The following MCC variants were observed in gnomAD, a reference collection of about 807,000 sequenced individuals.
MCC encodes colorectal mutant cancer protein.
MCC carries 90 observed loss-of-function variants against 116.2 expected under a neutral mutation model. The observed-to-expected ratio is 0.77, with a 90% CI of 0.65 to 0.92. The LOEUF (loss-of-function observed/expected upper bound fraction) is 0.92, where lower values mean the gene tolerates loss of function less well. MCC is among the 40% of genes least tolerant of loss of function. The probability of loss-of-function intolerance (pLI) is 0.00; values close to 1 mark genes in which losing one functional copy is unlikely to be tolerated. For missense variants in MCC, 1,516 were observed against 1,312.2 expected (o/e 1.16, Z -2.40); for synonymous variants, 578 against 510.5 (o/e 1.13, Z -1.78).
intron 5 of MCC, among the ~76,000 whole-genome samples, chr5:113,129,819 A>G (rs538918877): frequency 1.3e-5 from 2 of 152,352 alleles, no homozygotes; most frequent in South Asian, 2.1e-4. Flanking sequence ...GGCGATCATT[A>G]AAAAGGCAGG....
rs139015770 is a variant in MCC, at chr5:113,049,221, G to A, written c.2527C>T (p.Arg843Trp). 28 of 1,613,812 alleles carry A rather than the reference G, an allele frequency of 1.7e-5. No individual in the cohort carries two copies. The highest frequency in any genetic ancestry group is 2.3e-5 in the Non-Finnish European group (27 of 1,179,966). Residue 843 changes from arginine (R) to tryptophan (W), a missense_variant, in exon 16 of 19, where the codon CGG becomes TGG. Transcript: ENST00000408903. ...KKALELKLST[R>W]EAQEQAYLVH... is the part of the protein sequence containing the mutation. ...AGGTAGGCCTGCTCCTGGGCCTCCC[G>A]CGTGCTCAGCTTCAGCTCCAGGGCC...
At chr5:113,250,611 C>A (rs1764760499) in intron 3 of MCC, among the ~76,000 whole-genome samples, 1 of 151,720 alleles carries the variant, frequency 6.6e-6, no homozygotes, top group Non-Finnish European at 1.5e-5. Flanking sequence ...TTATTGGAAT[C>A]CTAACATCAA....
chr5:113,107,202 G>GT (rs1369563421), intron 6 of MCC, among the ~76,000 whole-genome samples: 11 of 132,544 alleles, frequency 8.3e-5, no homozygotes, highest in Admixed American at 6.9e-4. Context: ...ATAGTAGCAT[G>GT]TTTTTCTTTT....
intron 3 of MCC, among the ~76,000 whole-genome samples, chr5:113,231,746 C>CA (rs998456577): frequency 3.3e-5 from 5 of 152,122 alleles, no homozygotes; most frequent in Non-Finnish European, 7.4e-5. Context: ...AAAGAAATAG[C>CA]AAAAATATGT....
intron 2 of MCC, among the ~76,000 whole-genome samples, chr5:113,344,633 AG>A (rs1325246849): frequency 1.3e-5 from 2 of 151,866 alleles, no homozygotes; most frequent in Non-Finnish European, 2.9e-5. Flanking sequence ...CAGAGTCATG[AG>A]GCCCCCCATT....
chr5:113,486,412 G>A (rs1580435568), intron 1 of MCC, among the ~76,000 whole-genome samples: 1 of 152,142 alleles, frequency 6.6e-6, no homozygotes, highest in East Asian at 1.9e-4. Flanking sequence ...ATCCTCCCGG[G>A]TAGAATCACC....
chr5:113,336,230 T>G (rs1459142432), intron 3 of MCC, among the ~76,000 whole-genome samples: 1 of 151,670 alleles, frequency 6.6e-6, no homozygotes, highest in Non-Finnish European at 1.5e-5. Flanking sequence ...ACTGTTATAA[T>G]GGCAAAAAAA....
At chr5:113,081,888 G>T (rs576951064) in intron 11 of MCC, among the ~76,000 whole-genome samples, 4 of 152,354 alleles carry the variant, frequency 2.6e-5, no homozygotes, top group African/African-American at 9.6e-5. Flanking sequence ...ATGGAATTAA[G>T]CAACAGCGGA....
At chr5:113,096,486 C>G (rs1756028206) in intron 8 of MCC, among the ~76,000 whole-genome samples, 1 of 152,164 alleles carries the variant, frequency 6.6e-6, no homozygotes, top group South Asian at 2.1e-4. Flanking sequence ...CTCTGCAACT[C>G]TGATTCACGG....
At chr5:113,185,172 G>A (rs552234289) in intron 3 of MCC, among the ~76,000 whole-genome samples, 1 of 152,290 alleles carries the variant, frequency 6.6e-6, no homozygotes, top group African/African-American at 2.4e-5. Context: ...TCCAACTTTG[G>A]ATCCTGACTA....
At chr5:113,433,962 C>T (rs11953478) in intron 1 of MCC, 49,604 of 1,613,936 alleles carry the variant, frequency 0.031, 1,838 homozygotes, top group African/African-American at 0.19. Flanking sequence ...GGGTTCAGTT[C>T]CCCGGGAACT....
intron 3 of MCC, among the ~76,000 whole-genome samples, chr5:113,179,095 T>C (rs1158111941): frequency 6.6e-6 from 1 of 152,204 alleles, no homozygotes; most frequent in Non-Finnish European, 1.5e-5. Flanking sequence ...ATTCAATACC[T>C]TACAGAGACC....
chr5:113,161,573 T>C (rs932008531), intron 3 of MCC, among the ~76,000 whole-genome samples: 1 of 151,912 alleles, frequency 6.6e-6, no homozygotes, highest in African/African-American at 2.4e-5. Flanking sequence ...TTTAATGGAT[T>C]AAGGACAATA....
At chr5:113,302,121 T>A (rs1766877012) in intron 3 of MCC, among the ~76,000 whole-genome samples, 1 of 152,168 alleles carries the variant, frequency 6.6e-6, no homozygotes, top group South Asian at 2.1e-4. Flanking sequence ...ATTAATAGAT[T>A]TAAGTATTAG....
intron 2 of MCC, among the ~76,000 whole-genome samples, chr5:113,343,171 C>T (rs1261099904): frequency 6.6e-6 from 1 of 152,162 alleles, no homozygotes. Flanking sequence ...TGAATTTAAT[C>T]AATGTGAATA....
In MCC at chr5:113,131,887, C is replaced by A. The variant is rs1189156905; in HGVS notation, c.885-9061G>T. On this transcript the variant is annotated intron_variant, in intron 5 of 18. Coordinates refer to ENST00000408903, the MANE Select transcript of MCC (RefSeq NM_001085377.2). Reference sequence around the variant, plus strand: ...GGGAATGGTATCAAGTGCCAGACAACAGCTATCATAGTCTCCACCCTCTTT... The same window carrying A: ...GGGAATGGTATCAAGTGCCAGACAAAAGCTATCATAGTCTCCACCCTCTTT... 2.0e-5 allele frequency among the ~76,000 whole-genome samples: 3 copies of A among 152,150 alleles called. No individual in the cohort carries two copies. In the South Asian group the frequency reaches 6.2e-4, roughly 32 times the overall value.
At chr5:113,359,019 C>T (rs1768479842) in intron 2 of MCC, among the ~76,000 whole-genome samples, 1 of 152,160 alleles carries the variant, frequency 6.6e-6, no homozygotes, top group African/African-American at 2.4e-5. Flanking sequence ...ATCTATCCTT[C>T]TCCTAAGGAA....
intron 16 of MCC, among the ~76,000 whole-genome samples, chr5:113,045,707 G>A (rs1388265670): frequency 2.0e-5 from 3 of 151,398 alleles, no homozygotes; most frequent in Non-Finnish European, 1.5e-5. Context: ...GCTGAGGCAG[G>A]AGAATCACTT....
At chr5:113,465,839 A>C (rs1771887689) in intron 1 of MCC, among the ~76,000 whole-genome samples, 1 of 152,236 alleles carries the variant, frequency 6.6e-6, no homozygotes, top group African/African-American at 2.4e-5. Flanking sequence ...GAGATTTAGA[A>C]AGGTTATAAT....
Sources: gnomAD v4.1 joint callset for allele counts (sites outside exome capture counted in the v4.1 genomes callset) on GRCh38, gnomAD v4.1.1 for gene constraint, MANE v1.5 for transcripts, NCBI Gene and HGNC (gene_info 2026-07-23, HGNC 2026-07-21) for gene names.